The following AKAP7 variants were observed in gnomAD, a reference collection of about 807,000 sequenced individuals.
AKAP7 encodes the protein A kinase (PRKA) anchor protein 7.
A neutral mutation model predicts 39.5 loss-of-function variants in AKAP7; 39 were observed. That is an observed-to-expected ratio of 0.99 (90% CI 0.76 to 1.29). AKAP7 has a LOEUF of 1.29. Ranked by LOEUF, AKAP7 falls within the 50% of genes most tolerant of loss-of-function variation. The pLI is 0.00. For missense variants in AKAP7, 414 were observed against 407.7 expected, an observed-to-expected ratio of 1.02 and a Z score of -0.13; for synonymous variants, 140 against 139.1, an observed-to-expected ratio of 1.01 and a Z score of -0.05.
intron 3 of AKAP7, among the ~76,000 whole-genome samples, chr6:131,162,420 C>A (rs1246423210): frequency 6.6e-6 from 1 of 152,176 alleles, no homozygotes; most frequent in Non-Finnish European, 1.5e-5. Context: ...TTAGTCCCAG[C>A]TGAGTCACAG....
intron 5 of AKAP7, among the ~76,000 whole-genome samples, chr6:131,179,532 G>A (rs1440680456): frequency 2.0e-5 from 3 of 152,104 alleles, no homozygotes; most frequent in Non-Finnish European, 4.4e-5. Flanking sequence ...CGAGGGCCAG[G>A]ACCATGACTG....
Position 131,165,063 on chromosome 6 carries a change from G to A in AKAP7, c.292-18G>A. 1.3e-6 allele frequency: 2 copies of A among 1,537,392 alleles called. No individual in the cohort carries two copies. The highest frequency in any genetic ancestry group is 1.3e-5 in the South Asian group (1 of 76,624). On this transcript the variant is annotated intron_variant, in intron 3 of 7. Coordinates refer to ENST00000431975, the MANE Select transcript of AKAP7 (RefSeq NM_016377.4). ...CTAATCACTGGAATTTTTTTTATAT[G>A]TGTGTATGTGTTATTAGATTATAAA...
chr6:131,275,762 G>A (rs1814692973), intron 7 of AKAP7, among the ~76,000 whole-genome samples: 1 of 152,216 alleles, frequency 6.6e-6, no homozygotes, highest in Non-Finnish European at 1.5e-5. Context: ...AAGGATGTGC[G>A]GATCGGGGGG....
chr6:131,257,666 A>T (rs1812976427), intron 7 of AKAP7, among the ~76,000 whole-genome samples: 1 of 152,062 alleles, frequency 6.6e-6, no homozygotes, highest in South Asian at 2.1e-4. Flanking sequence ...TTGGGTTGTG[A>T]GCAGAAAGGC....
At chr6:131,137,308 G>A (rs1800636835) in intron 1 of AKAP7, 1 of 151,878 alleles carries the variant, frequency 6.6e-6, no homozygotes, top group Non-Finnish European at 1.5e-5. Context: ...ACAAAATTGA[G>A]TAGTCATTTA....
At chr6:131,268,374 A>G (rs1391125350) in intron 7 of AKAP7, among the ~76,000 whole-genome samples, 1 of 152,186 alleles carries the variant, frequency 6.6e-6, no homozygotes, top group African/African-American at 2.4e-5. Context: ...AAGTGGGAAG[A>G]ATGACACTTA....
intron 7 of AKAP7, among the ~76,000 whole-genome samples, chr6:131,266,675 G>T (rs551054100): frequency 6.6e-6 from 1 of 151,104 alleles, no homozygotes; most frequent in Admixed American, 6.7e-5. Context: ...TCACCAAGCT[G>T]CAGGGGTTTT....
intron 1 of AKAP7, among the ~76,000 whole-genome samples, chr6:131,144,977 G>A (rs1476257134): frequency 6.6e-6 from 1 of 152,260 alleles, no homozygotes; most frequent in African/African-American, 2.4e-5. Flanking sequence ...GTGAAAAAAC[G>A]TAGTTTTAGA....
At chr6:131,251,568 T>A (rs1585179700) in intron 7 of AKAP7, among the ~76,000 whole-genome samples, 1 of 150,486 alleles carries the variant, frequency 6.6e-6, no homozygotes, top group Non-Finnish European at 1.5e-5. Context: ...CAGGGACTGT[T>A]AAAAAAAAAA....
chr6:131,255,445 C>G (rs1281713743), intron 7 of AKAP7, among the ~76,000 whole-genome samples: 1 of 152,200 alleles, frequency 6.6e-6, no homozygotes, highest in Non-Finnish European at 1.5e-5. Context: ...CACACTTAGA[C>G]TTTACATTCT....
the AKAP7 span, among the ~76,000 whole-genome samples, chr6:131,129,932 CAG>C: frequency 9.2e-5 from 14 of 152,156 alleles, no homozygotes; most frequent in African/African-American, 3.1e-4. Context: ...AGAATTAAAA[CAG>C]AGTCAATTGT....
intron 7 of AKAP7, among the ~76,000 whole-genome samples, chr6:131,255,215 TC>T (rs747125458): frequency 1.3e-5 from 2 of 152,154 alleles, no homozygotes; most frequent in Non-Finnish European, 1.5e-5. Context: ...GTGTCGTACA[TC>T]TCTCTTAGTG....
At chr6:131,271,465 G>C (rs1317718021) in intron 7 of AKAP7, among the ~76,000 whole-genome samples, 2 of 152,150 alleles carry the variant, frequency 1.3e-5, no homozygotes, top group East Asian at 1.9e-4. Flanking sequence ...TTCAAAGTAA[G>C]TCTTGAAATC....
intron 3 of AKAP7, chr6:131,164,264 C>G (rs1803260169): frequency 1.6e-5 from 7 of 426,500 alleles, no homozygotes; most frequent in South Asian, 1.2e-4. Flanking sequence ...TCTCTTTTCT[C>G]TGTTGTTTTT....
intron 2 of AKAP7, among the ~76,000 whole-genome samples, chr6:131,157,914 GA>G (rs1382982595): frequency 1.3e-5 from 2 of 152,286 alleles, no homozygotes; most frequent in African/African-American, 4.8e-5. Flanking sequence ...GATATGGTCA[GA>G]TATATTGCCG....
intron 7 of AKAP7, among the ~76,000 whole-genome samples, chr6:131,248,590 G>T (rs1032494995): frequency 1.3e-5 from 2 of 152,108 alleles, no homozygotes; most frequent in African/African-American, 4.8e-5. Flanking sequence ...TTATTTTTGG[G>T]TGAAGAAACT....
intron 6 of AKAP7, 88 bp from the exon 7 acceptor site, chr6:131,219,573 A>G (rs1809519025): frequency 1.7e-6 from 2 of 1,196,500 alleles, no homozygotes; most frequent in South Asian, 1.5e-5. Context: ...GTAGTAATGT[A>G]ATAATCAGGT....
In AKAP7 at chr6:131,254,796, A is replaced by G. The variant is rs188844257; in HGVS notation, c.851-26734A>G. 9.8e-5 allele frequency among the ~76,000 whole-genome samples: 15 copies of G among 152,332 alleles called. No individual in the cohort carries two copies. In the East Asian group the frequency reaches 2.9e-3, roughly 29 times the overall value. ...CTGAAAATAAAATATTAGAATAAGT[A>G]TGTGTTTTAACAAGACACATTTTAA... On this transcript the variant is annotated intron_variant, in intron 7 of 7. Coordinates refer to ENST00000431975, the MANE Select transcript of AKAP7 (RefSeq NM_016377.4).
intron 6 of AKAP7, among the ~76,000 whole-genome samples, chr6:131,210,845 C>T (rs1808577943): frequency 6.6e-6 from 1 of 152,166 alleles, no homozygotes; most frequent in African/African-American, 2.4e-5. Context: ...CCATGTTTCA[C>T]GACTTGGTCC....
Sources: gnomAD v4.1 joint callset for allele counts (sites outside exome capture counted in the v4.1 genomes callset) on GRCh38, gnomAD v4.1.1 for gene constraint, MANE v1.5 for transcripts, NCBI Gene and HGNC (gene_info 2026-07-23, HGNC 2026-07-21) for gene names.